Variants in KLK12 observed in about 807,000 individuals in gnomAD.
KLK12 encodes kallikrein-12.
In KLK12, 23 loss-of-function variants were observed where a neutral mutation model predicts 20.0. The ratio of observed to expected loss-of-function variants is 1.15; its 90% CI spans 0.83 to 1.63. The LOEUF (loss-of-function observed/expected upper bound fraction) is 1.63. KLK12 is among the 40% of genes most tolerant of loss of function. The pLI, the probability that KLK12 is intolerant of heterozygous loss-of-function variation, is 0.00. For synonymous variants in KLK12, 147 were observed against 141.9 expected (o/e 1.04, Z -0.25); for missense variants, 351 against 338.6 (o/e 1.04, Z -0.29).
rs1475232623 is a variant in KLK12 at position 51,032,278 on chromosome 19, GTC to G, written c.198-145_198-144del. 3 of 979,600 alleles carry G rather than the reference GTC, an allele frequency of 3.1e-6. No homozygotes were observed. In the Admixed American group the frequency reaches 6.1e-5, roughly 20 times the overall value. 60.7% of individuals were successfully genotyped at this position (979,600 alleles called of 1,614,324 possible). ...CTCACCCGCAACTCTCATTCTCCGA[GTC>G]TCTCTTACAGGCTCTTATTCCCAAC... On this transcript the variant is annotated intron_variant, in intron 3 of 5. Coordinates refer to ENST00000684732, the MANE Select transcript of KLK12 (RefSeq NM_001370125.1).
intron 2 of KLK12, 56 bp downstream of exon 2, chr19:51,034,528 TG>T (rs1200943080): frequency 6.3e-7 from 1 of 1,589,492 alleles, no homozygotes; most frequent in Non-Finnish European, 8.6e-7. Flanking sequence ...GGCCTCCTCA[TG>T]GGGGTGAAGG....
Position 51,030,887 on chromosome 19 carries a change from G to A in KLK12, c.492C>T (p.Leu164=). The change falls in exon 5 of 6, where the codon CTC becomes CTT. Residue 164 remains leucine, a synonymous_variant. Coordinates refer to ENST00000684732, the MANE Select transcript of KLK12 (RefSeq NM_001370125.1). ...PFPDLLQCLN[L]SIVSHATCHG... is the part of the protein sequence containing the mutation. Reference sequence around the variant, plus strand: ...GGCAGGTGGCATGGGAGACGATGGAGAGGTTGAGGCACTGGAGCAGATCCG... The same window carrying A: ...GGCAGGTGGCATGGGAGACGATGGAAAGGTTGAGGCACTGGAGCAGATCCG... 1 of 1,614,172 alleles carries A rather than the reference G, an allele frequency of 6.2e-7. No individual in the cohort carries two copies. Among genetic ancestry groups the A allele is most frequent in the Non-Finnish European group, 8.5e-7 (1 of 1,180,038 alleles).
rs747927555 is a variant in KLK12 at position 51,029,183 on chromosome 19, C to T, written c.*119G>A. The T allele has an allele frequency of 2.5e-6, 4 of 1,614,006 alleles. No homozygotes were observed. Among genetic ancestry groups the T allele is most frequent in the Admixed American group, 3.3e-5 (2 of 59,992 alleles). On this transcript the variant is annotated 3_prime_UTR_variant, in exon 6 of 6. Transcript: ENST00000684732. ...GAAGGGCTGGCAGGAGTTAAAGTTC[C>T]AAGAAGTTCCCAGGCCAACAAGAGT...
Position 51,031,865 on chromosome 19 carries a change from G to A in KLK12, c.457+11C>T, listed in dbSNP as rs1399134170. ...ATCCTGACCCCTGACCCCTGGCCCT[G>A]GGCCCCTTACTCCGTGGGTGGTTGG... On this transcript the variant is annotated intron_variant, in intron 4 of 5. Transcript: ENST00000684732. 1.2e-6 allele frequency: 2 copies of A among 1,613,248 alleles called. No individual in the cohort carries two copies. The highest frequency in any genetic ancestry group is 2.2e-5 in the East Asian group (1 of 44,860).
intron 3 of KLK12, among the ~76,000 whole-genome samples, chr19:51,033,524 G>A (rs937917327): frequency 4.4e-4 from 67 of 152,296 alleles, no homozygotes; most frequent in African/African-American, 1.2e-3. Context: ...GCTGGGGCAG[G>A]AGAATCACTT....
At chr19:51,033,664 C>A (rs1599772057) in intron 3 of KLK12, among the ~76,000 whole-genome samples, 1 of 151,998 alleles carries the variant, frequency 6.6e-6, no homozygotes, top group African/African-American at 2.4e-5. Context: ...GAGACCTGGG[C>A]CCCGGGCCCA....
At position 51,031,876 on chromosome 19, in the gene KLK12, T is replaced by C. The variant is rs1379335462; in HGVS notation, c.457A>G (p.Asn153Asp). Residue 153 changes from asparagine (N) to aspartate (D), a missense_variant and splice_region_variant, in exon 4 of 6, where the codon AAC becomes GAC. Coordinates refer to ENST00000684732, the MANE Select transcript of KLK12 (RefSeq NM_001370125.1). Reference sequence around the variant, plus strand: ...TGACCCCTGGCCCTGGGCCCCTTACTCCGTGGGTGGTTGGTGATGCCCCAG... The same window carrying C: ...TGACCCCTGGCCCTGGGCCCCTTACCCCGTGGGTGGTTGGTGATGCCCCAG... ...SGWGITNHPR[N>D]PFPDLLQCLN... is the part of the protein sequence containing the mutation. 1 of 1,613,552 alleles carries C rather than the reference T, an allele frequency of 6.2e-7. No homozygotes were observed. The highest frequency in any genetic ancestry group is 8.5e-7 in the Non-Finnish European group (1 of 1,179,908).
Position 51,032,218 on chromosome 19 carries a change from C to T in KLK12, c.198-83G>A, listed in dbSNP as rs1429670484. 4.8e-6 allele frequency: 7 copies of T among 1,444,484 alleles called. No individual in the cohort carries two copies. The Admixed American group carries it at 5.9e-5, about 12-fold the overall frequency. 89.5% of individuals were successfully genotyped at this position (1,444,484 alleles called of 1,614,324 possible). A position where few individuals can be genotyped will look rare whatever the true frequency, so the allele number is the denominator to read the frequency against. On this transcript the variant is annotated intron_variant, in intron 3 of 5. Coordinates refer to ENST00000684732, the MANE Select transcript of KLK12 (RefSeq NM_001370125.1). Reference sequence around the variant, plus strand: ...TCCACGGACACTCAGGCGCTCCTGCCGCTCCCCACTGTTCTGCCCCTCACT... The same window carrying T: ...TCCACGGACACTCAGGCGCTCCTGCTGCTCCCCACTGTTCTGCCCCTCACT...
In KLK12 at chr19:51,029,324, C is replaced by T. The variant is rs191916982; in HGVS notation, c.725G>A (p.Arg242Gln). Residue 242 changes from arginine to glutamine, a missense_variant, in exon 6 of 6, where the codon CGG becomes CAG. Coordinates refer to ENST00000684732, the MANE Select transcript of KLK12 (RefSeq NM_001370125.1). ...TYICKYVDWIRMIMRNN is the reference protein window; with the variant it reads ...TYICKYVDWIQMIMRNN The stretch of plus-strand genomic sequence containing the variant: ...AGGTCAGTTGTTCCTCATGATCATC[C>T]GGATCCAGTCCACATACTTGCAAAT... 2.1e-5 allele frequency: 34 copies of T among 1,614,076 alleles called. No individual in the cohort carries two copies. The African/African-American group carries it at 4.0e-4, about 19-fold the overall frequency.
chr19:51,033,526 G>T (rs1055058341), intron 3 of KLK12, among the ~76,000 whole-genome samples: 2 of 152,204 alleles, frequency 1.3e-5, no homozygotes, highest in Non-Finnish European at 2.9e-5. Flanking sequence ...TGGGGCAGGA[G>T]AATCACTTGA....
Position 51,029,399 on chromosome 19 carries a change from C to T in KLK12, c.650G>A (p.Gly217Glu). The change falls in exon 6 of 6, where the codon GGG (glycine) becomes GAG (glutamate). Residue 217 changes from glycine to glutamate, a missense_variant. By Grantham distance (98) the Gly-to-Glu change is moderately conservative. Coordinates refer to ENST00000684732, the MANE Select transcript of KLK12 (RefSeq NM_001370125.1). ...GGVLQGLVSW[G>E]SVGPCGQDGI... is the part of the protein sequence containing the mutation. ...ATCTTGTCCACAGGGCCCCACAGAC[C>T]CCCAGGACACCAGACCTTGAAGGAC... The T allele has an allele frequency of 6.2e-7, 1 of 1,613,828 alleles. No individual in the cohort carries two copies. Among genetic ancestry groups the T allele is most frequent in the East Asian group, 2.2e-5 (1 of 44,868 alleles).
intron 2 of KLK12, chr19:51,034,354 G>A: frequency 7.9e-7 from 1 of 1,269,952 alleles, no homozygotes; most frequent in South Asian, 1.6e-5. Context: ...GGGAAATGGA[G>A]AGACAGAGAT....
rs372208750 is a variant in KLK12 at position 51,032,073 on chromosome 19, C to G, written c.260G>C (p.Arg87Pro). Residue 87 changes from arginine (R) to proline (P), a missense_variant, in exon 4 of 6, where the codon CGG (arginine) becomes CCG (proline). Physicochemically the swap from Arg to Pro is moderately radical, Grantham distance 103. Coordinates refer to ENST00000684732, the MANE Select transcript of KLK12 (RefSeq NM_001370125.1). ...LSQLDWTEQI[R>P]HSGFSVTHPG... Reference sequence around the variant, plus strand: ...ATGGGTCACAGAGAAGCCGCTGTGCCGGATCTGCTCGGTCCAGTCGAGCTG... The same window carrying G: ...ATGGGTCACAGAGAAGCCGCTGTGCGGGATCTGCTCGGTCCAGTCGAGCTG... 2 of 1,604,264 alleles carry G rather than the reference C, an allele frequency of 1.2e-6. No individual in the cohort carries two copies. Among genetic ancestry groups the G allele is most frequent in the African/African-American group, 2.7e-5 (2 of 74,734 alleles).
chr19:51,030,845 C>G lies in KLK12; in HGVS notation c.534G>C (p.Gly178=). ...SHATCHGVYP[G]RITSNMVCAG... is the part of the protein sequence containing the mutation. The stretch of plus-strand genomic sequence containing the variant: ...CACACACCATGTTGCTCGTGATTCT[C>G]CCGGGATACACACCATGGCAGGTGG... Residue 178 remains glycine (G), a synonymous_variant, in exon 5 of 6, where the codon GGG becomes GGC. Transcript: ENST00000684732. 1 of 1,614,146 alleles carries G rather than the reference C, an allele frequency of 6.2e-7. No homozygotes were observed. Among genetic ancestry groups the G allele is most frequent in the South Asian group, 1.1e-5 (1 of 91,080 alleles).
chr19:51,031,288 C>A (rs979911139), intron 4 of KLK12, among the ~76,000 whole-genome samples: 3 of 152,058 alleles, frequency 2.0e-5, no homozygotes, highest in African/African-American at 7.2e-5. Context: ...CTTCTGTCTC[C>A]TGACCCCATG....
intron 5 of KLK12, 29 bp from the exon 6 acceptor site, chr19:51,029,486 CAAGG>C (rs1568576465): frequency 1.3e-6 from 2 of 1,557,538 alleles, no homozygotes; most frequent in Non-Finnish European, 1.8e-6. Flanking sequence ...ACTGTCTGAA[CAAGG>C]GAGACATCTT....
Position 51,034,108 on chromosome 19 carries a change from G to A in KLK12, c.69C>T (p.Phe23=). The A allele has an allele frequency of 6.4e-7, 1 of 1,557,198 alleles. No individual in the cohort carries two copies. The highest frequency in any genetic ancestry group is 8.7e-7 in the Non-Finnish European group (1 of 1,149,892). ...GLSQAATPKI[F]NGTECGRNSQ... The stretch of plus-strand genomic sequence containing the variant: ...AGTTACGCCCACACTCAGTGCCATT[G>A]AAAATCTTCGGTGTGGCTGCCTGGC... Residue 23 remains phenylalanine (F), a synonymous_variant, in exon 3 of 6, where the codon TTC becomes TTT. Coordinates refer to ENST00000684732, the MANE Select transcript of KLK12 (RefSeq NM_001370125.1).
chr19:51,031,171 C>T (rs1409680734), intron 4 of KLK12, among the ~76,000 whole-genome samples: 1 of 152,210 alleles, frequency 6.6e-6, no homozygotes, highest in Non-Finnish European at 1.5e-5. Context: ...TTTCTTGTCT[C>T]TCCAGCGTCA....
At chr19:51,031,634 CCT>C (rs2091558915) in intron 4 of KLK12, 1 of 500,804 alleles carries the variant, frequency 2.0e-6, no homozygotes, top group African/African-American at 2.2e-5. Flanking sequence ...AGTGTGATGA[CCT>C]CTGACACACT....
Sources: allele counts gnomAD v4.1 joint callset (sites outside exome capture counted in the v4.1 genomes callset), GRCh38; gene constraint gnomAD v4.1.1; transcripts MANE v1.5; gene names NCBI Gene and HGNC (gene_info 2026-07-23, HGNC 2026-07-21).